FGD3: variants seen among roughly 807,000 people sequenced by gnomAD.
FGD3 encodes the protein FYVE, RhoGEF and PH domain containing 3, also known as FYVE, RhoGEF and PH domain-containing protein 3.
In FGD3, 45 loss-of-function variants were observed where a neutral mutation model predicts 71.8. That is an observed-to-expected ratio of 0.63 (90% CI 0.49 to 0.80). The LOEUF is 0.80. Ranked by LOEUF, FGD3 falls within the 30% of genes least tolerant of loss-of-function variation. FGD3 has a pLI of 0.00. For missense variants in FGD3, 844 were observed against 951.5 expected (o/e 0.89, Z 1.49); for synonymous variants, 378 against 392.8 (o/e 0.96, Z 0.44).
At chr9:92,957,036 T>C (rs1210903577) in intron 1 of FGD3, among the ~76,000 whole-genome samples, 1 of 152,162 alleles carries the variant, frequency 6.6e-6, no homozygotes, top group Non-Finnish European at 1.5e-5. Flanking sequence ...TTACTCCTTT[T>C]TATTGCTGGA....
At chr9:93,005,998 C>T (rs1357798093) in intron 5 of FGD3, 26 bp from the exon 6 acceptor site, 5 of 1,575,464 alleles carry the variant, frequency 3.2e-6, no homozygotes, top group Admixed American at 1.8e-5. Context: ...CCAGCTATTT[C>T]TCTGATGATT....
chr9:93,010,504 G>A, intron 7 of FGD3, 120 bp downstream of exon 7: 2 of 1,107,680 alleles, frequency 1.8e-6, no homozygotes, highest in Non-Finnish European at 2.4e-6. Flanking sequence ...GAGAAACAGA[G>A]AGACCAGAGG....
intron 2 of FGD3, 134 bp from the exon 3 acceptor site, chr9:92,976,074 A>AACCCCCCCCCCCCCCCCCCCCCCCC: frequency 1.7e-6 from 1 of 574,180 alleles, no homozygotes; most frequent in Non-Finnish European, 3.1e-6. Context: ...TTCACACACA[A>AACCCCCCCCCCCCCCCCCCCCCCCC]CCCCCAGCCC....
chr9:93,035,394 C>A lies in FGD3; in HGVS notation c.1983C>A (p.Asp661Glu). 6.2e-7 allele frequency: 1 copy of A among 1,611,550 alleles called. No individual in the cohort carries two copies. The highest frequency in any genetic ancestry group is 8.5e-7 in the Non-Finnish European group (1 of 1,179,136). Reference protein sequence around the residue: ...PLPSCKLSVPDPEERLDSGHV... With the variant: ...PLPSCKLSVPEPEERLDSGHV... ...CCAGCTGCAAACTGAGTGTGCCGGACCCTGAGGAGAGGCTGGACTCGGGGC... is the reference window on the plus strand; with the variant it reads ...CCAGCTGCAAACTGAGTGTGCCGGAACCTGAGGAGAGGCTGGACTCGGGGC... The change falls in exon 18 of 18, where the codon GAC (aspartate) becomes GAA (glutamate). Residue 661 changes from aspartate (D) to glutamate (E), a missense_variant. Asp to Glu is a conservative substitution (Grantham distance 45, BLOSUM62 2). Coordinates refer to ENST00000375482, the MANE Select transcript of FGD3 (RefSeq NM_001083536.2).
intron 3 of FGD3, among the ~76,000 whole-genome samples, chr9:92,992,198 G>A (rs1336067820): frequency 6.6e-6 from 1 of 152,114 alleles, no homozygotes; most frequent in Non-Finnish European, 1.5e-5. Context: ...TATTGATTGT[G>A]TTCTGGTTGT....
At chr9:92,981,091 A>G (rs756492853) in intron 3 of FGD3, among the ~76,000 whole-genome samples, 40 of 152,218 alleles carry the variant, frequency 2.6e-4, no homozygotes, top group Non-Finnish European at 4.9e-4. Context: ...GGTTTGGGCC[A>G]GGCATGGTGG....
At chr9:92,961,728 G>T (rs1465896273) in intron 1 of FGD3, among the ~76,000 whole-genome samples, 1 of 152,200 alleles carries the variant, frequency 6.6e-6, no homozygotes, top group Non-Finnish European at 1.5e-5. Flanking sequence ...AGGCCTGACT[G>T]AAACTGAGGA....
chr9:93,017,890 C>A (rs1861763332), intron 10 of FGD3, among the ~76,000 whole-genome samples: 1 of 152,108 alleles, frequency 6.6e-6, no homozygotes, highest in Admixed American at 6.6e-5. Context: ...AGCAGAGTTC[C>A]AAGCACAGAA....
At chr9:92,984,381 A>T (rs1265183963) in intron 3 of FGD3, among the ~76,000 whole-genome samples, 1 of 152,230 alleles carries the variant, frequency 6.6e-6, no homozygotes, top group Non-Finnish European at 1.5e-5. Context: ...TAACTTTTGA[A>T]TTAGACAAAT....
At position 93,006,142 on chromosome 9, in the gene FGD3, C is replaced by T. The variant is rs1428157102; in HGVS notation, c.799C>T (p.Arg267Cys). The T allele has an allele frequency of 8.1e-6, 13 of 1,608,222 alleles. No homozygotes were observed. The highest frequency in any genetic ancestry group is 1.3e-5 in the African/African-American group (1 of 74,754). The stretch of plus-strand genomic sequence containing the variant: ...AGGGCTGGTGAGCACGTGGACCCAG[C>T]GCTCCCCACTGTTTAAAGACGTCGT... ...AVGLVSTWTQ[R>C]SPLFKDVVHS... The change falls in exon 6 of 18, where the codon CGC becomes TGC. Residue 267 changes from arginine to cysteine, a missense_variant. Physicochemically the swap from Arg to Cys is radical, Grantham distance 180. Transcript: ENST00000375482.
At chr9:92,959,735 C>G (rs1171883847) in intron 1 of FGD3, among the ~76,000 whole-genome samples, 1 of 150,502 alleles carries the variant, frequency 6.6e-6, no homozygotes, top group Non-Finnish European at 1.5e-5. Flanking sequence ...AAAATCAGCC[C>G]TAATAAGACT....
At chr9:93,015,901 C>G in intron 10 of FGD3, 72 bp downstream of exon 10, 1 of 1,404,720 alleles carries the variant, frequency 7.1e-7, no homozygotes, top group South Asian at 1.2e-5. Context: ...ACACCAGGCT[C>G]TGGCCGCTGA....
chr9:93,006,124 G>C lies in FGD3; in HGVS notation c.781G>C (p.Val261Leu), dbSNP rs1490817801. ...VKNFDRAVGL[V>L]STWTQRSPLF... ...GAACTTTGACCGAGCCGTAGGGCTG[G>C]TGAGCACGTGGACCCAGCGCTCCCC... Residue 261 changes from valine (V) to leucine (L), a missense_variant, in exon 6 of 18, where the codon GTG becomes CTG. Val to Leu is a conservative substitution (Grantham distance 32). Coordinates refer to ENST00000375482, the MANE Select transcript of FGD3 (RefSeq NM_001083536.2). 1 of 1,613,390 alleles carries C rather than the reference G, an allele frequency of 6.2e-7. No homozygotes were observed. Among genetic ancestry groups the C allele is most frequent in the Non-Finnish European group, 8.5e-7 (1 of 1,179,750 alleles).
intron 14 of FGD3, among the ~76,000 whole-genome samples, chr9:93,023,070 C>T (rs1319519969): frequency 6.6e-6 from 1 of 152,196 alleles, no homozygotes; most frequent in Non-Finnish European, 1.5e-5. Context: ...GGTGCCCAGG[C>T]CTGGCACTCA....
At position 93,011,199 on chromosome 9, in the gene FGD3, G is replaced by T. The variant is rs1432419762; in HGVS notation, c.977-15G>T. The T allele has an allele frequency of 1.2e-6, 2 of 1,613,986 alleles. No homozygotes were observed. The highest frequency in any genetic ancestry group is 2.7e-5 in the African/African-American group (2 of 74,928). On this transcript the variant is annotated splice_polypyrimidine_tract_variant and intron_variant, in intron 7 of 17. Transcript: ENST00000375482. ...CCACCGTGGCCCCAGGCTGAACACA[G>T]TCTTCTTCCTGCAGGGTCCTTGGAG...
chr9:92,959,433 TGG>T (rs1859127886), intron 1 of FGD3, among the ~76,000 whole-genome samples: 2 of 152,022 alleles, frequency 1.3e-5, no homozygotes, highest in African/African-American at 4.8e-5. Flanking sequence ...CAAGGCTCGG[TGG>T]GTGGCTCATG....
chr9:92,950,958 G>GCCCCCTGAAGAGAATGC (rs1197857202), intron 1 of FGD3, among the ~76,000 whole-genome samples: 15 of 152,130 alleles, frequency 9.9e-5, no homozygotes, highest in Non-Finnish European at 1.3e-4. Flanking sequence ...AGATCTGGCT[G>GCCCCCTGAAGAGAATGC]CCCCTGGCCT....
At chr9:93,029,394 C>G (rs1008474262) in intron 14 of FGD3, among the ~76,000 whole-genome samples, 2 of 152,164 alleles carry the variant, frequency 1.3e-5, no homozygotes, top group African/African-American at 4.8e-5. Flanking sequence ...TGGGTGCACA[C>G]CTATATTCAT....
chr9:93,009,085 A>G (rs991047118), intron 6 of FGD3, among the ~76,000 whole-genome samples: 5 of 152,122 alleles, frequency 3.3e-5, no homozygotes, highest in Non-Finnish European at 7.4e-5. Context: ...CAATATAGTG[A>G]AACCCCATCT....
Sources: gnomAD v4.1 joint callset for allele counts (sites outside exome capture counted in the v4.1 genomes callset) on GRCh38, gnomAD v4.1.1 for gene constraint, MANE v1.5 for transcripts, NCBI Gene and HGNC (gene_info 2026-07-23, HGNC 2026-07-21) for gene names.